The following TNFRSF10C variants were observed in gnomAD, a reference collection of about 807,000 sequenced individuals.
The protein encoded by TNFRSF10C is TNF receptor superfamily member 10c.
A neutral mutation model predicts 16.7 loss-of-function variants in TNFRSF10C; 17 were observed. That is an observed-to-expected ratio of 1.02 (90% confidence interval 0.70 to 1.53). The LOEUF is 1.53. Ranked by LOEUF, TNFRSF10C falls within the 40% of genes most tolerant of loss-of-function variation. The pLI is 0.00. For missense variants in TNFRSF10C, 237 were observed against 329.7 expected, an observed-to-expected ratio of 0.72 and a Z score of 2.18; for synonymous variants, 73 against 119.7, an observed-to-expected ratio of 0.61 and a Z score of 2.55.
chr8:23,106,417 C>G lies in TNFRSF10C; in HGVS notation c.60+3236C>G, dbSNP rs1355343293. 2.7e-5 allele frequency among the ~76,000 whole-genome samples: 4 copies of G among 148,864 alleles called. No individual in the cohort carries two copies. In the East Asian group the frequency reaches 7.9e-4, roughly 29 times the overall value. ...GGGAGCGAAGCTCTCCTTTAGATGC[C>G]CCCCCACCCGATTTTTTTTTTTTTT... On this transcript the variant is annotated intron_variant, in intron 1 of 4. Transcript: ENST00000356864.
Position 23,117,238 on chromosome 8 carries a change from ACC to A in TNFRSF10C, c.*212_*213del. 1.4e-6 allele frequency: 1 copy of A among 729,390 alleles called. No individual in the cohort carries two copies. Among genetic ancestry groups the A allele is most frequent in the Non-Finnish European group, 2.2e-6 (1 of 457,150 alleles). The allele number at this position is 729,390 out of a possible 1,614,324, so 45.2% of individuals were successfully genotyped here. A position where few individuals can be genotyped will look rare whatever the true frequency, so the allele number is the denominator to read the frequency against. On this transcript the variant is annotated 3_prime_UTR_variant, in exon 5 of 5. Transcript: ENST00000356864. Reference sequence around the variant, plus strand: ...ATCGTCCCATCCCCACATCCCGTGCACCCCCCAGGACCCTGGTCTCATCAGTC... The same window carrying A: ...ATCGTCCCATCCCCACATCCCGTGCACCCCAGGACCCTGGTCTCATCAGTC...
At chr8:23,105,235 G>A (rs1414581357) in intron 1 of TNFRSF10C, among the ~76,000 whole-genome samples, 4 of 152,328 alleles carry the variant, frequency 2.6e-5, no homozygotes, top group Admixed American at 2.0e-4. Flanking sequence ...TGCCTGTAAA[G>A]TGAAGAGGAG....
At chr8:23,108,741 G>A (rs1813823072) in intron 1 of TNFRSF10C, among the ~76,000 whole-genome samples, 1 of 152,158 alleles carries the variant, frequency 6.6e-6, no homozygotes, top group South Asian at 2.1e-4. Flanking sequence ...CCAGTAAAGT[G>A]GCAAGCGATC....
intron 2 of TNFRSF10C, among the ~76,000 whole-genome samples, chr8:23,114,222 C>G (rs1370875796): frequency 6.6e-6 from 1 of 151,758 alleles, no homozygotes; most frequent in African/African-American, 2.4e-5. Flanking sequence ...GGTGAGTGGA[C>G]AGCAAACAGG....
intron 1 of TNFRSF10C, 179 bp downstream of exon 1, chr8:23,103,360 G>C (rs10109912): frequency 0.38 from 433,644 of 1,144,074 alleles, 84,021 homozygotes; most frequent in East Asian, 0.61. Context: ...TGGGCAGGAG[G>C]GACCCGGCCG....
At chr8:23,114,431 C>T (rs1813937043) in intron 2 of TNFRSF10C, 1 of 406,080 alleles carries the variant, frequency 2.5e-6, no homozygotes. Flanking sequence ...ATATGGCTCT[C>T]ATAGAATTTG....
At position 23,117,085 on chromosome 8, in the gene TNFRSF10C, C is replaced by A; in HGVS notation, c.*54C>A. 1.3e-6 allele frequency: 2 copies of A among 1,588,312 alleles called. No individual in the cohort carries two copies. Among genetic ancestry groups the A allele is most frequent in the Non-Finnish European group, 1.7e-6 (2 of 1,168,618 alleles). ...CTTACCTGAAAGGTTCAGGTAGGCG[C>A]TGGCTGAGGGCGGGGGGCGCTGGAC... On this transcript the variant is annotated 3_prime_UTR_variant, in exon 5 of 5. Coordinates refer to ENST00000356864, the MANE Select transcript of TNFRSF10C (RefSeq NM_003841.5).
intron 1 of TNFRSF10C, among the ~76,000 whole-genome samples, chr8:23,111,280 G>T (rs887286385): frequency 6.6e-6 from 1 of 151,342 alleles, no homozygotes; most frequent in African/African-American, 2.4e-5. Flanking sequence ...GCAATGGCGC[G>T]ATCTTGGCTC....
chr8:23,105,397 C>T (rs1319629130), intron 1 of TNFRSF10C, among the ~76,000 whole-genome samples: 1 of 152,218 alleles, frequency 6.6e-6, no homozygotes, highest in Non-Finnish European at 1.5e-5. Flanking sequence ...CCTGTTCCTA[C>T]CTGCACCCTG....
intron 3 of TNFRSF10C, 51 bp from the exon 4 acceptor site, chr8:23,115,457 G>A (rs372298232): frequency 4.5e-5 from 69 of 1,517,810 alleles, no homozygotes; most frequent in South Asian, 2.5e-4. Flanking sequence ...AAGGAAGATC[G>A]AGGGATACAT....
chr8:23,117,219 C>A lies in TNFRSF10C; in HGVS notation c.*188C>A. The A allele has an allele frequency of 2.3e-6, 2 of 884,084 alleles. No individual in the cohort carries two copies. Among genetic ancestry groups the A allele is most frequent in the Non-Finnish European group, 3.4e-6 (2 of 591,860 alleles). The allele number at this position is 884,084 out of a possible 1,614,324, so 54.8% of individuals were successfully genotyped here. On this transcript the variant is annotated 3_prime_UTR_variant, in exon 5 of 5. Coordinates refer to ENST00000356864, the MANE Select transcript of TNFRSF10C (RefSeq NM_003841.5). The stretch of plus-strand genomic sequence containing the variant: ...CTCTATCTTCCTCCTTGTGATCGTC[C>A]CATCCCCACATCCCGTGCACCCCCC...
intron 1 of TNFRSF10C, among the ~76,000 whole-genome samples, chr8:23,106,935 A>G (rs892924858): frequency 2.0e-5 from 3 of 152,152 alleles, no homozygotes; most frequent in African/African-American, 4.8e-5. Context: ...TTCAGAAAAA[A>G]AAAAAAAGGA....
Position 23,116,676 on chromosome 8 carries a change from C to T in TNFRSF10C, c.425C>T (p.Thr142Met), listed in dbSNP as rs766720181. The change falls in exon 5 of 5, where the codon ACG (threonine) becomes ATG (methionine). Residue 142 changes from threonine to methionine, a missense_variant. Thr to Met is a moderately conservative substitution (Grantham distance 81, BLOSUM62 -1). This residue lies in a region of TNFRSF10C where 212 missense variants were observed against 196.8 expected (regional missense o/e 1.08). Coordinates refer to ENST00000356864, the MANE Select transcript of TNFRSF10C (RefSeq NM_003841.5). ...PSGEVQVSNC[T>M]SWDDIQCVEE... Reference sequence around the variant, plus strand: ...GGGGAAGTCCAAGTCAGTAATTGTACGTCCTGGGATGATATCCAGTGTGTT... The same window carrying T: ...GGGGAAGTCCAAGTCAGTAATTGTATGTCCTGGGATGATATCCAGTGTGTT... 1.8e-5 allele frequency: 29 copies of T among 1,614,180 alleles called. No homozygotes were observed. The highest frequency in any genetic ancestry group is 6.7e-5 in the East Asian group (3 of 44,886).
chr8:23,109,632 C>T (rs1813843550), intron 1 of TNFRSF10C, among the ~76,000 whole-genome samples: 1 of 52,586 alleles, frequency 1.9e-5, no homozygotes, highest in Non-Finnish European at 4.0e-5. Flanking sequence ...GAGACTCCAT[C>T]TCAAAAAAAA....
At chr8:23,104,357 T>C (rs1025312470) in intron 1 of TNFRSF10C, among the ~76,000 whole-genome samples, 9 of 152,232 alleles carry the variant, frequency 5.9e-5, no homozygotes, top group Non-Finnish European at 5.9e-5. Flanking sequence ...TACATTCAGA[T>C]TGATCTTCTT....
At chr8:23,112,452 C>T (rs1046426676) in intron 2 of TNFRSF10C, among the ~76,000 whole-genome samples, 3 of 152,158 alleles carry the variant, frequency 2.0e-5, no homozygotes, top group Admixed American at 6.5e-5. Context: ...ATTTTGTATC[C>T]TTTGACTAAC....
chr8:23,114,809 T>C (rs762616454), intron 3 of TNFRSF10C, 39 bp downstream of exon 3: 1 of 1,573,672 alleles, frequency 6.4e-7, no homozygotes, highest in Non-Finnish European at 8.7e-7. Context: ...AGGTGGAGCG[T>C]GGGGCAATGA....
intron 1 of TNFRSF10C, chr8:23,103,507 C>CATTA (rs568355848): frequency 2.2e-6 from 1 of 451,256 alleles, no homozygotes; most frequent in South Asian, 2.8e-5. Context: ...TTGCCTCTCT[C>CATTA]ATTAATTAAT....
intron 1 of TNFRSF10C, among the ~76,000 whole-genome samples, chr8:23,110,204 T>C (rs1813854768): frequency 6.7e-6 from 1 of 149,082 alleles, no homozygotes; most frequent in Non-Finnish European, 1.5e-5. Context: ...GACGCAGACA[T>C]CGCCTGAACC....
Sources: allele counts gnomAD v4.1 joint callset (sites outside exome capture counted in the v4.1 genomes callset), GRCh38; gene constraint gnomAD v4.1.1; regional missense constraint gnomAD v4.1.1; transcripts MANE v1.5; gene names NCBI Gene and HGNC (gene_info 2026-07-23, HGNC 2026-07-21).